Variants in KIF26B observed in about 807,000 individuals in gnomAD.
KIF26B encodes kinesin-like protein KIF26B.
In KIF26B, 63 loss-of-function variants were observed where a neutral mutation model predicts 151.2. The ratio of observed to expected loss-of-function variants is 0.42; its 90% CI spans 0.34 to 0.51. KIF26B has a LOEUF of 0.51. Ranked by LOEUF, KIF26B falls within the 20% of genes least tolerant of loss-of-function variation. The pLI is 0.07. For synonymous variants in KIF26B, 1,357 were observed against 1,262.1 expected, an observed-to-expected ratio of 1.08 and a Z score of -1.59; for missense variants, 2,813 against 2,913.6, an observed-to-expected ratio of 0.97 and a Z score of 0.79.
chr1:245,208,614 T>G (rs559360080), intron 2 of KIF26B, among the ~76,000 whole-genome samples: 1 of 152,280 alleles, frequency 6.6e-6, no homozygotes, highest in African/African-American at 2.4e-5. Context: ...CGGATGTCGA[T>G]AGTGAGAAAA....
rs558194817 is a variant in KIF26B at position 245,437,678 on chromosome 1, G to GAA, written c.1166+17936_1166+17937dup. On this transcript the variant is annotated intron_variant, in intron 4 of 14. Coordinates refer to ENST00000407071, the MANE Select transcript of KIF26B (RefSeq NM_018012.4). Reference sequence around the variant, plus strand: ...AGTATTTCTTTACACATGCAAGGGGGAAAAGTCCTAACTTAAGTCCATTGC... The same window carrying GAA: ...AGTATTTCTTTACACATGCAAGGGGGAAAAAAGTCCTAACTTAAGTCCATTGC... 9.9e-5 allele frequency among the ~76,000 whole-genome samples: 15 copies of GAA among 152,258 alleles called. No individual in the cohort carries two copies. The East Asian group carries it at 2.5e-3, about 25-fold the overall frequency.
intron 10 of KIF26B, among the ~76,000 whole-genome samples, chr1:245,679,434 T>G (rs1009502041): frequency 2.0e-5 from 3 of 149,330 alleles, no homozygotes; most frequent in African/African-American, 4.9e-5. Flanking sequence ...AATCTGGGGG[T>G]TTTTTGTGTT....
At chr1:245,689,561 CT>C (rs568134575) in intron 12 of KIF26B, among the ~76,000 whole-genome samples, 1 of 152,166 alleles carries the variant, frequency 6.6e-6, no homozygotes, top group East Asian at 1.9e-4. Flanking sequence ...TTTGCCATTT[CT>C]TTTTTTCCTT....
At chr1:245,608,514 G>A (rs1211343206) in intron 7 of KIF26B, among the ~76,000 whole-genome samples, 1 of 152,142 alleles carries the variant, frequency 6.6e-6, no homozygotes, top group East Asian at 1.9e-4. Context: ...AGTGATCTGG[G>A]TTTTAATAGA....
intron 5 of KIF26B, among the ~76,000 whole-genome samples, chr1:245,590,637 G>A (rs563870378): frequency 1.2e-3 from 181 of 152,316 alleles, no homozygotes; most frequent in African/African-American, 4.1e-3. Context: ...GCCGGGCACG[G>A]TGGCTCACGC....
chr1:245,310,625 C>T (rs951594382), intron 2 of KIF26B, among the ~76,000 whole-genome samples: 1 of 152,204 alleles, frequency 6.6e-6, no homozygotes, highest in African/African-American at 2.4e-5. Flanking sequence ...ATTGGAAGCT[C>T]ATTCAGATGT....
chr1:245,683,439 G>A (rs1488492272), intron 10 of KIF26B, among the ~76,000 whole-genome samples: 2 of 152,134 alleles, frequency 1.3e-5, no homozygotes, highest in Admixed American at 6.5e-5. Context: ...ATGCTGGGAC[G>A]AGTACAGGAA....
At chr1:245,385,023 A>T (rs1673508467) in intron 3 of KIF26B, among the ~76,000 whole-genome samples, 1 of 152,148 alleles carries the variant, frequency 6.6e-6, no homozygotes, top group Admixed American at 6.5e-5. Context: ...TAGCTTGTAA[A>T]TTATTCATAC....
At chr1:245,408,349 C>CTTTTTTTT (rs58724712) in intron 3 of KIF26B, among the ~76,000 whole-genome samples, 4 of 113,330 alleles carry the variant, frequency 3.5e-5, no homozygotes, top group Non-Finnish European at 7.3e-5. Context: ...TTAAATGATT[C>CTTTTTTTT]TTTTTTTTTT....
chr1:245,317,015 G>A (rs796147648), intron 2 of KIF26B, among the ~76,000 whole-genome samples: 17 of 152,246 alleles, frequency 1.1e-4, no homozygotes, highest in African/African-American at 4.1e-4. Flanking sequence ...GGTGATATAC[G>A]ATTTCAACAT....
intron 4 of KIF26B, among the ~76,000 whole-genome samples, chr1:245,539,797 CAT>C (rs1308071989): frequency 3.3e-5 from 5 of 152,106 alleles, no homozygotes; most frequent in Non-Finnish European, 7.4e-5. Flanking sequence ...GGATTACAGG[CAT>C]GCACCACCAC....
chr1:245,339,276 C>A (rs1672291905), intron 2 of KIF26B, among the ~76,000 whole-genome samples: 1 of 152,216 alleles, frequency 6.6e-6, no homozygotes, highest in Non-Finnish European at 1.5e-5. Flanking sequence ...CCGCACCCGG[C>A]CTTTTAGGCT....
intron 2 of KIF26B, among the ~76,000 whole-genome samples, chr1:245,189,779 G>A (rs777964233): frequency 2.8e-4 from 43 of 152,228 alleles, no homozygotes; most frequent in Non-Finnish European, 6.3e-4. Context: ...TGCTGATAAA[G>A]ACACACATGA....
rs1001488699 is a variant in KIF26B, at chr1:245,572,465, C to T, written c.1351-30112C>T. Among the ~76,000 whole-genome samples the T allele has an allele frequency of 1.3e-5, 2 of 152,192 alleles. No individual in the cohort carries two copies. Among genetic ancestry groups the T allele is most frequent in the African/African-American group, 4.8e-5 (2 of 41,524 alleles). Reference sequence around the variant, plus strand: ...GGACACACTTCTCTTGTTCTCCAGCCCATTTTCAGGCACGGTATCCTGCGC... The same window carrying T: ...GGACACACTTCTCTTGTTCTCCAGCTCATTTTCAGGCACGGTATCCTGCGC... On this transcript the variant is annotated intron_variant, in intron 5 of 14. Coordinates refer to ENST00000407071, the MANE Select transcript of KIF26B (RefSeq NM_018012.4). This position sits in a 1 kb window ranked among gnomAD's most constrained non-coding sequence, Gnocchi z 4.2.
chr1:245,460,404 G>A lies in KIF26B; in HGVS notation c.1166+40659G>A, dbSNP rs189794732. On this transcript the variant is annotated intron_variant, in intron 4 of 14. Coordinates refer to ENST00000407071, the MANE Select transcript of KIF26B (RefSeq NM_018012.4). ...GGTCAAATCCAGCCTGGAGTCCCCTGTTTTGGTAATGTTTCCTTGTAACAC... is the reference window on the plus strand; with the variant it reads ...GGTCAAATCCAGCCTGGAGTCCCCTATTTTGGTAATGTTTCCTTGTAACAC... Among the ~76,000 whole-genome samples the A allele has an allele frequency of 8.5e-5, 13 of 152,170 alleles. 1 individual carries two copies. Among genetic ancestry groups the A allele is most frequent in the Non-Finnish European group, 1.8e-4 (12 of 68,032 alleles).
intron 9 of KIF26B, among the ~76,000 whole-genome samples, chr1:245,645,678 C>A (rs1283503569): frequency 1.3e-5 from 2 of 152,134 alleles, no homozygotes; most frequent in Non-Finnish European, 2.9e-5. Flanking sequence ...TGATTCCTGG[C>A]TGAGCTTTAG....
intron 2 of KIF26B, among the ~76,000 whole-genome samples, chr1:245,185,044 A>C (rs765051537): frequency 6.6e-6 from 1 of 152,116 alleles, no homozygotes; most frequent in Non-Finnish European, 1.5e-5. Flanking sequence ...TCAGAGCCAA[A>C]TTTTTTATTG....
chr1:245,662,529 C>T (rs2044161663), intron 10 of KIF26B, among the ~76,000 whole-genome samples: 1 of 145,856 alleles, frequency 6.9e-6, no homozygotes, highest in Non-Finnish European at 1.5e-5. Flanking sequence ...ACACACACCC[C>T]CAATATATAT....
chr1:245,536,487 G>T (rs1261518383), intron 4 of KIF26B, among the ~76,000 whole-genome samples: 1 of 152,198 alleles, frequency 6.6e-6, no homozygotes, highest in African/African-American at 2.4e-5. Context: ...TATGTTACAA[G>T]ATAATAGGTG....
Sources: gnomAD v4.1 joint callset for allele counts (sites outside exome capture counted in the v4.1 genomes callset) on GRCh38, gnomAD v4.1.1 for gene constraint, Gnocchi (gnomAD v3.1) non-coding constraint, MANE v1.5 for transcripts, NCBI Gene and HGNC (gene_info 2026-07-23, HGNC 2026-07-21) for gene names.